Variants in NEK11 observed in about 807,000 individuals in gnomAD.
NEK11 encodes serine/threonine-protein kinase Nek11.
In NEK11, 72 loss-of-function variants were observed where a neutral mutation model predicts 80.7. That is an observed-to-expected ratio of 0.89 (90% CI 0.74 to 1.08). NEK11 has a LOEUF of 1.08. Among genes scored for constraint, NEK11 ranks in the 50% least tolerant of loss-of-function variants. The pLI is 0.00. For synonymous variants in NEK11, 251 were observed against 260.7 expected (o/e 0.96, Z 0.36); for missense variants, 764 against 763.6 (o/e 1.00, Z -0.01).
chr3:131,060,947 C>A (rs1395492340), intron 3 of NEK11, among the ~76,000 whole-genome samples: 1 of 152,170 alleles, frequency 6.6e-6, no homozygotes, highest in Non-Finnish European at 1.5e-5. Context: ...ATGTGTATAT[C>A]TTCCTTGGAG....
intron 17 of NEK11, among the ~76,000 whole-genome samples, chr3:131,291,461 A>G (rs2096543011): frequency 6.6e-6 from 1 of 152,196 alleles, no homozygotes; most frequent in Non-Finnish European, 1.5e-5. Context: ...TGATTACAGA[A>G]TCATATGGTA....
At chr3:131,213,978 G>A (rs1458220351) in intron 14 of NEK11, among the ~76,000 whole-genome samples, 1 of 152,178 alleles carries the variant, frequency 6.6e-6, no homozygotes, top group Non-Finnish European at 1.5e-5. Flanking sequence ...CTGGCTTCCT[G>A]TCTCTATGTT....
intron 16 of NEK11, among the ~76,000 whole-genome samples, chr3:131,267,559 C>T (rs1463975096): frequency 1.3e-5 from 2 of 152,174 alleles, no homozygotes; most frequent in Admixed American, 6.5e-5. Flanking sequence ...GAGAGAGCCA[C>T]TGTTAGTCTG....
intron 16 of NEK11, among the ~76,000 whole-genome samples, chr3:131,259,524 A>G (rs2095874575): frequency 6.6e-6 from 1 of 152,168 alleles, no homozygotes; most frequent in Non-Finnish European, 1.5e-5. Flanking sequence ...GACAGAGTTG[A>G]GTAGGCAGGA....
In NEK11 at chr3:131,200,893, C is replaced by T. The variant is rs115738191; in HGVS notation, c.1400-27635C>T. Among the ~76,000 whole-genome samples, 1,237 of 152,286 alleles carry T rather than the reference C, an allele frequency of 8.1e-3. 21 individuals carry two copies. The highest frequency in any genetic ancestry group is 0.028 in the African/African-American group (1,171 of 41,566). On this transcript the variant is annotated intron_variant, in intron 14 of 17. Coordinates refer to ENST00000383366, the MANE Select transcript of NEK11 (RefSeq NM_024800.5). The stretch of plus-strand genomic sequence containing the variant: ...GAGCAGCAGGACCTAGACCGAACCC[C>T]TGGTGTTTCGGTAACATGTGCACCA...
At chr3:131,081,832 GAGAAA>G (rs1456276689) in intron 4 of NEK11, among the ~76,000 whole-genome samples, 2 of 152,174 alleles carry the variant, frequency 1.3e-5, no homozygotes, top group African/African-American at 4.8e-5. Context: ...GTTTGAGAGA[GAGAAA>G]AGAAGAGACA....
intron 16 of NEK11, among the ~76,000 whole-genome samples, chr3:131,271,260 A>G (rs1437426736): frequency 2.0e-5 from 3 of 152,240 alleles, no homozygotes. Context: ...ACTATGAGCA[A>G]CACATTGTTA....
intron 14 of NEK11, among the ~76,000 whole-genome samples, chr3:131,213,737 C>T (rs2094714257): frequency 6.6e-6 from 1 of 152,130 alleles, no homozygotes. Context: ...ATCTCAGGCC[C>T]TACTCCAGTC....
chr3:131,336,720 T>C (rs535088114), intron 17 of NEK11, among the ~76,000 whole-genome samples: 22 of 152,280 alleles, frequency 1.4e-4, no homozygotes, highest in South Asian at 2.1e-4. Context: ...ACTTACTCAT[T>C]TGACAAAGGG....
intron 7 of NEK11, among the ~76,000 whole-genome samples, chr3:131,143,710 C>T (rs1207350324): frequency 6.6e-6 from 1 of 151,994 alleles, no homozygotes; most frequent in Admixed American, 6.6e-5. Flanking sequence ...TAAAAAATTG[C>T]TATATAATAT....
intron 3 of NEK11, among the ~76,000 whole-genome samples, chr3:131,068,146 C>T (rs957566718): frequency 6.6e-6 from 1 of 152,130 alleles, no homozygotes; most frequent in Non-Finnish European, 1.5e-5. Flanking sequence ...TCAAATCCAC[C>T]CTCTGTCCCA....
At chr3:131,231,908 G>T (rs1338866157) in intron 15 of NEK11, among the ~76,000 whole-genome samples, 1 of 152,070 alleles carries the variant, frequency 6.6e-6, no homozygotes, top group East Asian at 1.9e-4. Context: ...CCTTCCTTTA[G>T]ATGGAGCCAA....
At chr3:131,235,741 A>T (rs1476240240) in intron 15 of NEK11, among the ~76,000 whole-genome samples, 2 of 152,170 alleles carry the variant, frequency 1.3e-5, no homozygotes, top group Non-Finnish European at 2.9e-5. Context: ...ATCTCTCACC[A>T]TTTACAAATG....
chr3:131,336,539 A>C (rs2097187631), intron 17 of NEK11, among the ~76,000 whole-genome samples: 1 of 152,214 alleles, frequency 6.6e-6, no homozygotes, highest in South Asian at 2.1e-4. Context: ...AGGTATTACC[A>C]TTCAGGACAT....
chr3:131,122,133 T>C (rs1360352110), intron 5 of NEK11, among the ~76,000 whole-genome samples: 1 of 152,236 alleles, frequency 6.6e-6, no homozygotes, highest in African/African-American at 2.4e-5. Context: ...GTTGTGTTTT[T>C]TCCTGAAAGG....
chr3:131,038,748 A>G (rs1259273969), intron 3 of NEK11, among the ~76,000 whole-genome samples: 1 of 152,238 alleles, frequency 6.6e-6, no homozygotes, highest in Non-Finnish European at 1.5e-5. Context: ...TTACAGCCGT[A>G]TTAGTGTCAG....
chr3:131,085,136 C>A (rs989230210), intron 4 of NEK11, among the ~76,000 whole-genome samples: 8 of 152,170 alleles, frequency 5.3e-5, no homozygotes, highest in African/African-American at 1.9e-4. Context: ...TCCCAGGCAA[C>A]CTTCTGATCC....
chr3:131,135,549 C>T (rs1054076659), intron 7 of NEK11, among the ~76,000 whole-genome samples: 3 of 152,112 alleles, frequency 2.0e-5, no homozygotes, highest in African/African-American at 7.2e-5. Flanking sequence ...AGGATTCCTA[C>T]CTATCAAGAG....
At chr3:131,152,766 C>T in intron 9 of NEK11, 57 bp downstream of exon 9, 1 of 1,215,948 alleles carries the variant, frequency 8.2e-7, no homozygotes, top group South Asian at 1.3e-5. Flanking sequence ...ATACACATTC[C>T]ATGACTTGAA....
Sources: allele counts gnomAD v4.1 joint callset (sites outside exome capture counted in the v4.1 genomes callset), GRCh38; gene constraint gnomAD v4.1.1; transcripts MANE v1.5; gene names NCBI Gene and HGNC (gene_info 2026-07-23, HGNC 2026-07-21).